NXPE2: variants seen among roughly 807,000 people sequenced by gnomAD.
The protein encoded by NXPE2 is neurexophilin and PC-esterase domain family member 2, also known as NXPE family member 2.
NXPE2 carries 34 observed loss-of-function variants against 34.4 expected under a neutral mutation model. That is an observed-to-expected ratio of 0.99 (90% CI 0.75 to 1.31). NXPE2 has a LOEUF of 1.31. NXPE2 is among the 40% of genes most tolerant of loss of function. NXPE2 has a pLI of 0.00. For synonymous variants in NXPE2, 235 were observed against 231.3 expected, an observed-to-expected ratio of 1.02 and a Z score of -0.15; for missense variants, 649 against 672.5, an observed-to-expected ratio of 0.97 and a Z score of 0.39.
At chr11:114,757,969 A>AT in the NXPE2 span, among the ~76,000 whole-genome samples, 4 of 152,262 alleles carry the variant, frequency 2.6e-5, no homozygotes, top group Admixed American at 6.5e-5. Context: ...TTTATTAAAA[A>AT]TAGCAAGTAA....
the NXPE2 span, among the ~76,000 whole-genome samples, chr11:114,567,482 C>T: frequency 1.4e-4 from 22 of 152,044 alleles, no homozygotes; most frequent in African/African-American, 5.3e-4. Context: ...GAACGGCAGC[C>T]TTGGGGAGGG....
At chr11:114,579,863 A>G in the NXPE2 span, among the ~76,000 whole-genome samples, 2 of 152,148 alleles carry the variant, frequency 1.3e-5, no homozygotes, top group South Asian at 4.1e-4. Flanking sequence ...GGTTCCATCA[A>G]TAGTTTTTGG....
At chr11:114,538,841 G>T in the NXPE2 span, among the ~76,000 whole-genome samples, 2 of 151,910 alleles carry the variant, frequency 1.3e-5, no homozygotes, top group South Asian at 2.1e-4. Flanking sequence ...TGGTGGGACT[G>T]TAAACTAGTT....
chr11:114,652,557 T>C, the NXPE2 span, among the ~76,000 whole-genome samples: 7 of 152,344 alleles, frequency 4.6e-5, no homozygotes, highest in East Asian at 1.4e-3. Flanking sequence ...AGATGGTCCA[T>C]GTAAAATGCT....
At chr11:114,522,259 A>C in the NXPE2 span, 2 of 1,614,080 alleles carry the variant, frequency 1.2e-6, no homozygotes, top group Non-Finnish European at 1.7e-6. Context: ...TGGCCCTGCG[A>C]ATAAAAATGT....
At chr11:114,599,266 C>T in the NXPE2 span, among the ~76,000 whole-genome samples, 1 of 152,078 alleles carries the variant, frequency 6.6e-6, no homozygotes, top group Non-Finnish European at 1.5e-5. Flanking sequence ...ACTCCGATTC[C>T]CAGTAAGTTC....
the NXPE2 span, chr11:114,527,979 A>T: frequency 9.2e-7 from 1 of 1,089,794 alleles, no homozygotes; most frequent in Non-Finnish European, 1.3e-6. Flanking sequence ...CTTGTGAGTG[A>T]AGGAAAATTT....
At chr11:114,790,737 G>A in the NXPE2 span, among the ~76,000 whole-genome samples, 2 of 152,256 alleles carry the variant, frequency 1.3e-5, no homozygotes, top group Admixed American at 6.5e-5. Context: ...AGGTCTCGAA[G>A]CTTTTCATTC....
At chr11:114,663,170 C>G in the NXPE2 span, among the ~76,000 whole-genome samples, 1 of 152,112 alleles carries the variant, frequency 6.6e-6, no homozygotes, top group South Asian at 2.1e-4. Flanking sequence ...GCAGTACTCC[C>G]TGTGGGCCTA....
chr11:114,525,702 T>G, the NXPE2 span, among the ~76,000 whole-genome samples: 3 of 152,212 alleles, frequency 2.0e-5, no homozygotes, highest in South Asian at 6.2e-4. Flanking sequence ...CCTGTCACTG[T>G]TTGATAAACT....
At chr11:114,475,015 CTG>C in the NXPE2 span, among the ~76,000 whole-genome samples, 1 of 152,052 alleles carries the variant, frequency 6.6e-6, no homozygotes, top group Non-Finnish European at 1.5e-5. Flanking sequence ...TTATAGTACA[CTG>C]TAATTTATGA....
chr11:114,650,349 G>A, the NXPE2 span, among the ~76,000 whole-genome samples: 5 of 152,202 alleles, frequency 3.3e-5, no homozygotes, highest in Admixed American at 3.3e-4. Context: ...CACCAGAAAA[G>A]AGGATGTCAC....
the NXPE2 span, among the ~76,000 whole-genome samples, chr11:114,475,145 C>T: frequency 1.4e-5 from 2 of 142,448 alleles, no homozygotes; most frequent in South Asian, 2.3e-4. Context: ...ATCATTTCTA[C>T]GTTTGGGTCA....
At chr11:114,747,956 C>G in the NXPE2 span, among the ~76,000 whole-genome samples, 2 of 152,106 alleles carry the variant, frequency 1.3e-5, no homozygotes, top group Non-Finnish European at 2.9e-5. Context: ...GGCCTTTGAC[C>G]AACAGTGCCC....
At chr11:114,607,724 G>A in the NXPE2 span, among the ~76,000 whole-genome samples, 735 of 152,004 alleles carry the variant, frequency 4.8e-3, 6 homozygotes, top group African/African-American at 0.016. Context: ...TTGTTGCCTC[G>A]TGGGTAACCA....
chr11:114,638,460 C>G, the NXPE2 span, among the ~76,000 whole-genome samples: 13 of 152,054 alleles, frequency 8.5e-5, no homozygotes, highest in Non-Finnish European at 1.9e-4. Flanking sequence ...CTTCTTCTCT[C>G]AACTCATCAA....
At chr11:114,600,986 T>C in the NXPE2 span, among the ~76,000 whole-genome samples, 1 of 151,994 alleles carries the variant, frequency 6.6e-6, no homozygotes, top group Non-Finnish European at 1.5e-5. Context: ...TGCCAAATAG[T>C]CCATCATTTC....
the NXPE2 span, among the ~76,000 whole-genome samples, chr11:114,482,337 T>C: frequency 5.9e-5 from 9 of 152,162 alleles, no homozygotes; most frequent in African/African-American, 2.2e-4. Flanking sequence ...GACACTGGCC[T>C]TGTCAAAACT....
the NXPE2 span, among the ~76,000 whole-genome samples, chr11:114,654,277 C>G: frequency 6.6e-6 from 1 of 151,960 alleles, no homozygotes; most frequent in Non-Finnish European, 1.5e-5. Context: ...GTGTTAAATA[C>G]ATGCTCTGCC....
Sources: allele counts gnomAD v4.1 joint callset (sites outside exome capture counted in the v4.1 genomes callset), GRCh38; gene constraint gnomAD v4.1.1; transcripts MANE v1.5; gene names NCBI Gene and HGNC (gene_info 2026-07-23, HGNC 2026-07-21).